The following GYG2 variants were observed in gnomAD, a reference collection of about 807,000 sequenced individuals.
GYG2 encodes glycogenin-2.
A neutral mutation model predicts 29.4 loss-of-function variants in GYG2; 29 were observed. That is an observed-to-expected ratio of 0.99 (90% CI 0.74 to 1.35). The LOEUF (loss-of-function observed/expected upper bound fraction) is 1.35, where lower values mean the gene tolerates loss of function less well. GYG2 is among the 40% of genes most tolerant of loss of function. The probability of loss-of-function intolerance (pLI) is 0.00; values close to 1 mark genes in which losing one functional copy is unlikely to be tolerated. For missense variants in GYG2, 370 were observed against 385.7 expected (o/e 0.96, Z 0.34); for synonymous variants, 167 against 172.3 (o/e 0.97, Z 0.24).
At chrX:2,845,045 A>C (rs202082269) in intron 3 of GYG2, among the ~76,000 whole-genome samples, 1 of 47,632 alleles carries the variant, frequency 2.1e-5, no homozygotes, top group African/African-American at 8.1e-5. Flanking sequence ...ACACATGTGT[A>C]TGTATATATA....
At chrX:2,861,822 G>A (rs1390615665) in intron 8 of GYG2, 100 bp downstream of exon 8, 9 of 614,844 alleles carry the variant, frequency 1.5e-5, no homozygotes, top group Non-Finnish European at 2.3e-5. Context: ...GAGGGGAGAT[G>A]GAGGGGAAGG....
intron 2 of GYG2, among the ~76,000 whole-genome samples, chrX:2,830,424 A>G (rs1377658533): frequency 8.9e-6 from 1 of 112,031 alleles, no homozygotes; most frequent in Admixed American, 9.4e-5. Context: ...TTGGGATTTC[A>G]CCAGTTTCCT....
chrX:2,846,055 A>ATTTTTTT (rs374480210), intron 3 of GYG2, among the ~76,000 whole-genome samples: 1 of 38,679 alleles, frequency 2.6e-5, no homozygotes, highest in African/African-American at 9.8e-5. Flanking sequence ...ATATATATAT[A>ATTTTTTT]TTTTTTTTTT....
chrX:2,867,719 G>A (rs2088331984), intron 8 of GYG2, among the ~76,000 whole-genome samples: 1 of 111,868 alleles, frequency 8.9e-6, no homozygotes, highest in African/African-American at 3.2e-5. Context: ...TGAAATCAAA[G>A]CTGTTTAAAT....
intron 1 of GYG2, 60 bp downstream of exon 1, chrX:2,829,035 GC>G (rs1319978402): frequency 9.2e-6 from 1 of 109,040 alleles, no homozygotes; most frequent in Non-Finnish European, 1.9e-5. Context: ...CCTGGGCGCG[GC>G]GGGGGGCCGG....
Position 2,861,661 on chromosome X carries a change from C to A in GYG2, c.977C>A (p.Pro326Gln), listed in dbSNP as rs752410028. The A allele has an allele frequency of 3.3e-6, 4 of 1,205,353 alleles. No homozygotes were observed. Among genetic ancestry groups the A allele is most frequent in the East Asian group, 3.0e-5 (1 of 33,574 alleles). ...LGSNQPAQGL[P>Q]EPTQIVDETL... The stretch of plus-strand genomic sequence containing the variant: ...TCTAACCAGCCTGCTCAGGGCCTTC[C>A]GGAGCCGACCCAGATAGTGGATGAG... The change falls in exon 8 of 11, where the codon CCG becomes CAG. Residue 326 changes from proline (P) to glutamine (Q), a missense_variant. Coordinates refer to ENST00000398806, the MANE Select transcript of GYG2 (RefSeq NM_001079855.2).
chrX:2,840,946 A>G (rs1170036180), intron 2 of GYG2, among the ~76,000 whole-genome samples: 1 of 110,834 alleles, frequency 9.0e-6, no homozygotes, highest in Non-Finnish European at 1.9e-5. Context: ...AGGTAGATGG[A>G]TAGATAGATG....
rs1483475375 is a variant in GYG2 at position 2,861,625 on chromosome X, C to A, written c.941C>A (p.Ser314Ter). The A allele has an allele frequency of 1.7e-6, 2 of 1,205,262 alleles. No individual in the cohort carries two copies. Among genetic ancestry groups the A allele is most frequent in the Non-Finnish European group, 1.1e-6 (1 of 891,908 alleles). The change falls in exon 8 of 11, where the codon TCA becomes TAA. Residue 314 changes from serine to a stop codon, truncating the protein, a stop_gained. Transcript: ENST00000398806. LOFTEE classifies it high-confidence loss of function. ...AGTGCGGGCGTGCCGTGTGCAAATT[C>A]ACCACTGGGTTCTAACCAGCCTGCT... ...TPSAGVPCAN[S>*]PLGSNQPAQG...
intron 2 of GYG2, among the ~76,000 whole-genome samples, chrX:2,832,589 C>T (rs1295349152): frequency 3.6e-5 from 4 of 111,077 alleles, no homozygotes; most frequent in Admixed American, 9.6e-5. Context: ...GGCTGGAGTG[C>T]GATGGTGCAA....
At chrX:2,832,614 A>G (rs1004788196) in intron 2 of GYG2, among the ~76,000 whole-genome samples, 4 of 110,975 alleles carry the variant, frequency 3.6e-5, no homozygotes, top group African/African-American at 1.3e-4. Flanking sequence ...GGCTCACTGC[A>G]GCTTCCGCCT....
intron 9 of GYG2, 34 bp downstream of exon 9, chrX:2,875,948 GCT>G (rs1449111675): frequency 1.3e-6 from 1 of 783,944 alleles, no homozygotes; most frequent in Admixed American, 2.3e-5. Flanking sequence ...CACATGGCCA[GCT>G]CTCTTATTGC....
intron 7 of GYG2, among the ~76,000 whole-genome samples, chrX:2,860,680 C>T (rs1603459601): frequency 1.1e-5 from 1 of 92,547 alleles, no homozygotes; most frequent in East Asian, 3.5e-4. Flanking sequence ...AGCATTTGTA[C>T]TAGAGTACCA....
chrX:2,833,947 C>T (rs1384325202), intron 2 of GYG2, among the ~76,000 whole-genome samples: 1 of 112,373 alleles, frequency 8.9e-6, no homozygotes, highest in African/African-American at 3.2e-5. Context: ...GAGATGAGAC[C>T]TTCTTACAGG....
At chrX:2,832,537 C>A (rs374400002) in intron 2 of GYG2, among the ~76,000 whole-genome samples, 1 of 110,937 alleles carries the variant, frequency 9.0e-6, no homozygotes, top group African/African-American at 3.3e-5. Flanking sequence ...GTGTCCTAAT[C>A]GCCTCTTTTT....
intron 3 of GYG2, among the ~76,000 whole-genome samples, chrX:2,853,310 A>G (rs2087908813): frequency 9.0e-6 from 1 of 111,280 alleles, no homozygotes; most frequent in Non-Finnish European, 1.9e-5. Context: ...TCCCGGGTTC[A>G]AGCGATTCTC....
intron 3 of GYG2, chrX:2,852,666 G>A (rs1018464061): frequency 1.8e-5 from 2 of 111,996 alleles, no homozygotes; most frequent in African/African-American, 6.5e-5. Flanking sequence ...CTCTGCCTCT[G>A]CAGCTTACAG....
At position 2,850,386 on chromosome X, in the gene GYG2, G is replaced by C. The variant is rs779632644; in HGVS notation, c.150-3594G>C. Among the ~76,000 whole-genome samples the C allele has an allele frequency of 9.7e-4, 108 of 111,763 alleles. 1 individual carries two copies. Among genetic ancestry groups the C allele is most frequent in the Non-Finnish European group, 1.8e-3 (98 of 53,143 alleles). On this transcript the variant is annotated intron_variant, in intron 3 of 10. Transcript: ENST00000398806. ...TGATAGAAAATATAAGCTTAAATAC[G>C]TGTGCTGACAGTTGAAAGGTGGTTA...
intron 3 of GYG2, among the ~76,000 whole-genome samples, chrX:2,845,671 A>G (rs868318513): frequency 4.7e-5 from 5 of 106,216 alleles, no homozygotes; most frequent in East Asian, 3.0e-4. Context: ...ACATTTATAT[A>G]TGCATGTGTA....
At chrX:2,853,269 G>A (rs753477002) in intron 3 of GYG2, among the ~76,000 whole-genome samples, 101 of 111,316 alleles carry the variant, frequency 9.1e-4, no homozygotes, top group Middle Eastern at 4.6e-3. Context: ...GGAGTGCAGT[G>A]GTGCGATCTC....
Sources: gnomAD v4.1 joint callset for allele counts (sites outside exome capture counted in the v4.1 genomes callset) on GRCh38, gnomAD v4.1.1 for gene constraint, MANE v1.5 for transcripts, NCBI Gene and HGNC (gene_info 2026-07-23, HGNC 2026-07-21) for gene names.